Variants in NSD1 observed in about 807,000 individuals in gnomAD.
NSD1 encodes the protein nuclear receptor binding SET domain protein 1.
A neutral mutation model predicts 242.7 loss-of-function variants in NSD1; 26 were observed. The observed-to-expected ratio is 0.11, with a 90% CI of 0.08 to 0.15. The LOEUF is 0.15. NSD1 is among the 10% of genes least tolerant of loss of function. The probability of loss-of-function intolerance (pLI) is 1.00; values close to 1 mark genes in which losing one functional copy is unlikely to be tolerated. For missense variants in NSD1, 2,495 were observed against 3,272.8 expected (o/e 0.76, Z 5.80); for synonymous variants, 1,106 against 1,178.1 (o/e 0.94, Z 1.25).
At chr5:177,189,089 A>C (rs1761472926) in intron 2 of NSD1, among the ~76,000 whole-genome samples, 1 of 152,186 alleles carries the variant, frequency 6.6e-6, no homozygotes, top group Non-Finnish European at 1.5e-5. Flanking sequence ...TGCTTTAAAT[A>C]TCTTACCCTA....
At chr5:177,189,464 CAT>C (rs1472916680) in intron 2 of NSD1, among the ~76,000 whole-genome samples, 5 of 152,154 alleles carry the variant, frequency 3.3e-5, no homozygotes, top group African/African-American at 7.2e-5. Flanking sequence ...GAACCAACAA[CAT>C]GTGCTAGATT....
At chr5:177,285,372 G>A (rs1255075875) in intron 20 of NSD1, among the ~76,000 whole-genome samples, 1 of 151,864 alleles carries the variant, frequency 6.6e-6, no homozygotes, top group Non-Finnish European at 1.5e-5. Flanking sequence ...GACCATCCTG[G>A]CTAACATGGT....
chr5:177,137,225 A>C, intron 2 of NSD1: 2 of 274,856 alleles, frequency 7.3e-6, no homozygotes, highest in Non-Finnish European at 1.3e-5. Flanking sequence ...TCAGCTTTAA[A>C]TATTAATATT....
chr5:177,142,688 A>G (rs769816151), intron 2 of NSD1, among the ~76,000 whole-genome samples: 8 of 152,106 alleles, frequency 5.3e-5, no homozygotes, highest in Non-Finnish European at 1.2e-4. Flanking sequence ...TTCTCCCTTT[A>G]TTCATTTTTC....
At chr5:177,171,116 A>G (rs1313458550) in intron 2 of NSD1, among the ~76,000 whole-genome samples, 2 of 151,772 alleles carry the variant, frequency 1.3e-5, no homozygotes, top group African/African-American at 4.8e-5. Context: ...AGGTCAAGAG[A>G]TTGAGACCGT....
At position 177,134,998 on chromosome 5, in the gene NSD1, G is replaced by T; in HGVS notation, c.-17-89G>T. 8.8e-7 allele frequency: 1 copy of T among 1,138,642 alleles called. No homozygotes were observed. The highest frequency in any genetic ancestry group is 2.3e-5 in the East Asian group (1 of 42,730). 70.5% of individuals were successfully genotyped at this position (1,138,642 alleles called of 1,614,324 possible). On this transcript the variant is annotated intron_variant, in intron 1 of 22. Transcript: ENST00000439151. This position sits in a 1 kb window ranked among gnomAD's most constrained non-coding sequence, Gnocchi z 4.2. ...GGAAGTGCAGCAGAAAGGCATAGAG[G>T]CCACTAGGCCTTGAAGTGGCTGCCA...
intron 2 of NSD1, among the ~76,000 whole-genome samples, chr5:177,151,897 A>G (rs549321734): frequency 1.0e-4 from 15 of 149,096 alleles, no homozygotes; most frequent in Admixed American, 4.0e-4. Flanking sequence ...GTCTTGCCCC[A>G]TCGCCCAGGC....
chr5:177,291,647 C>T (rs948791852), intron 21 of NSD1, among the ~76,000 whole-genome samples: 4 of 151,980 alleles, frequency 2.6e-5, no homozygotes, highest in South Asian at 2.1e-4. Context: ...AGCAAGACTC[C>T]GTCTTGAAAA....
chr5:177,232,745 A>T (rs1765156377), intron 5 of NSD1, among the ~76,000 whole-genome samples: 2 of 152,252 alleles, frequency 1.3e-5, no homozygotes, highest in African/African-American at 4.8e-5. Flanking sequence ...GCTTTGTGGT[A>T]TAAAGATTTT....
At chr5:177,265,876 G>A in intron 14 of NSD1, 1 of 1,474,664 alleles carries the variant, frequency 6.8e-7, no homozygotes, top group Non-Finnish European at 9.5e-7. Context: ...TCACTTGCAG[G>A]CAGAACGGGG....
intron 2 of NSD1, among the ~76,000 whole-genome samples, chr5:177,175,336 T>A (rs1314622231): frequency 1.3e-5 from 2 of 152,142 alleles, no homozygotes; most frequent in Admixed American, 6.6e-5. Context: ...TTACAGACAG[T>A]CTTTTTGAGG....
chr5:177,225,396 G>A (rs1764559983), intron 5 of NSD1, among the ~76,000 whole-genome samples: 1 of 152,158 alleles, frequency 6.6e-6, no homozygotes, highest in East Asian at 1.9e-4. Flanking sequence ...GCCTGTCTGA[G>A]CCTCCCAAAG....
intron 5 of NSD1, among the ~76,000 whole-genome samples, chr5:177,234,052 T>C (rs1229480273): frequency 6.6e-6 from 1 of 152,206 alleles, no homozygotes; most frequent in Non-Finnish European, 1.5e-5. Context: ...CTGGCACCAC[T>C]TGTGACCTTC....
rs550170540 is a variant in NSD1 at position 177,183,770 on chromosome 5, C to T, written c.928-8114C>T. 2.9e-4 allele frequency among the ~76,000 whole-genome samples: 44 copies of T among 152,140 alleles called. 3 individuals carry two copies. The South Asian group carries it at 8.9e-3, about 31-fold the overall frequency. ...CTGTTCTTTTGTTTTCTTTAACCGTCCTCACTTCCATCTTTCTACTTCCCT... is the reference window on the plus strand; with the variant it reads ...CTGTTCTTTTGTTTTCTTTAACCGTTCTCACTTCCATCTTTCTACTTCCCT... On this transcript the variant is annotated intron_variant, in intron 2 of 22. Transcript: ENST00000439151.
At chr5:177,291,911 A>G in intron 21 of NSD1, 43 bp from the exon 22 acceptor site, 1 of 1,563,464 alleles carries the variant, frequency 6.4e-7, no homozygotes, top group Non-Finnish European at 8.8e-7. Flanking sequence ...GATTGGTACT[A>G]ATGTGTTCAC....
chr5:177,284,941 AACAC>A (rs1299671485), intron 20 of NSD1, among the ~76,000 whole-genome samples: 1 of 152,146 alleles, frequency 6.6e-6, no homozygotes, highest in Non-Finnish European at 1.5e-5. Flanking sequence ...GACTCTTAAA[AACAC>A]ACACACAAAA....
At chr5:177,278,369 G>A (rs985666647) in intron 17 of NSD1, among the ~76,000 whole-genome samples, 4 of 152,078 alleles carry the variant, frequency 2.6e-5, no homozygotes, top group African/African-American at 7.2e-5. Context: ...CTCAGCCTCC[G>A]AAAGTGCTGG....
intron 14 of NSD1, chr5:177,265,838 A>G: frequency 7.1e-7 from 1 of 1,402,562 alleles, no homozygotes; most frequent in East Asian, 2.3e-5. Context: ...GAAGTAGGCC[A>G]CCTGGGTGTG....
intron 21 of NSD1, 143 bp downstream of exon 21, chr5:177,289,068 C>T: frequency 9.9e-6 from 7 of 704,280 alleles, no homozygotes; most frequent in South Asian, 7.4e-5. Flanking sequence ...GCCTGTAATC[C>T]CAGCACTTTG....
Sources: gnomAD v4.1 joint callset for allele counts (sites outside exome capture counted in the v4.1 genomes callset) on GRCh38, gnomAD v4.1.1 for gene constraint, Gnocchi (gnomAD v3.1) non-coding constraint, MANE v1.5 for transcripts, NCBI Gene and HGNC (gene_info 2026-07-23, HGNC 2026-07-21) for gene names.